Variants in XKR9 observed in about 807,000 individuals in gnomAD.
XKR9 encodes the protein XK related 9, also known as XK-related protein 9.
Under a neutral mutation model 32.0 loss-of-function variants are expected in XKR9, and 32 were observed. The observed-to-expected ratio is 1.00, with a 90% CI of 0.76 to 1.34. The LOEUF (loss-of-function observed/expected upper bound fraction) is 1.34, where lower values mean the gene tolerates loss of function less well. Among genes scored for constraint, XKR9 ranks in the 40% most tolerant of loss-of-function variants. The probability of loss-of-function intolerance (pLI) is 0.00; values close to 1 mark genes in which losing one functional copy is unlikely to be tolerated. For missense variants in XKR9, 546 were observed against 429.7 expected, an observed-to-expected ratio of 1.27 and a Z score of -2.39; for synonymous variants, 168 against 143.4, an observed-to-expected ratio of 1.17 and a Z score of -1.22.
At chr8:70,857,576 A>C in the XKR9 span, among the ~76,000 whole-genome samples, 2 of 152,208 alleles carry the variant, frequency 1.3e-5, no homozygotes, top group Non-Finnish European at 1.5e-5. Context: ...AACTATTCCA[A>C]TCAATAGAAA....
chr8:70,742,952 AT>A (rs1337505882), intron 2 of XKR9, among the ~76,000 whole-genome samples: 8 of 151,612 alleles, frequency 5.3e-5, no homozygotes, highest in African/African-American at 1.9e-4. Context: ...GAACCTGTAA[AT>A]TTTTGTCTTC....
At chr8:70,834,345 G>T in the XKR9 span, among the ~76,000 whole-genome samples, 2 of 151,868 alleles carry the variant, frequency 1.3e-5, no homozygotes, top group Admixed American at 1.3e-4. Context: ...TTCTTTCTTT[G>T]TTGAGGGACA....
At chr8:70,744,647 C>A (rs919855668) in intron 2 of XKR9, among the ~76,000 whole-genome samples, 1 of 152,078 alleles carries the variant, frequency 6.6e-6, no homozygotes, top group Non-Finnish European at 1.5e-5. Context: ...GCTCTGTCAC[C>A]CAGGCTGGAG....
the XKR9 span, among the ~76,000 whole-genome samples, chr8:70,845,739 G>A: frequency 6.6e-6 from 1 of 151,988 alleles, no homozygotes; most frequent in Non-Finnish European, 1.5e-5. Context: ...AAATAACCTA[G>A]TCAAACAAAA....
At chr8:70,753,181 C>T (rs535810350) in intron 2 of XKR9, among the ~76,000 whole-genome samples, 2 of 152,324 alleles carry the variant, frequency 1.3e-5, no homozygotes, top group African/African-American at 4.8e-5. Context: ...TGGATAAATT[C>T]CTCGACACAT....
intron 2 of XKR9, among the ~76,000 whole-genome samples, chr8:70,777,782 T>G (rs1475976088): frequency 6.6e-6 from 1 of 152,130 alleles, no homozygotes; most frequent in Non-Finnish European, 1.5e-5. Context: ...GTTCATATCC[T>G]TTGCCCAATT....
the XKR9 span, among the ~76,000 whole-genome samples, chr8:70,871,400 A>G: frequency 1.3e-5 from 2 of 152,106 alleles, no homozygotes; most frequent in South Asian, 2.1e-4. Context: ...TTAAGCATCT[A>G]TCAGTGCCAT....
chr8:71,049,475 A>T, the XKR9 span, among the ~76,000 whole-genome samples: 2 of 152,198 alleles, frequency 1.3e-5, no homozygotes, highest in African/African-American at 4.8e-5. Flanking sequence ...CCTTTGAGGA[A>T]CTAATAATCT....
the XKR9 span, among the ~76,000 whole-genome samples, chr8:70,982,630 G>A: frequency 6.6e-6 from 1 of 152,170 alleles, no homozygotes; most frequent in African/African-American, 2.4e-5. Flanking sequence ...CGTTGAGAAA[G>A]CAAGCCGACT....
At chr8:70,801,777 A>G in the XKR9 span, among the ~76,000 whole-genome samples, 39 of 152,166 alleles carry the variant, frequency 2.6e-4, no homozygotes, top group African/African-American at 8.7e-4. Context: ...GTCTCTCACT[A>G]TTATTCTGTG....
At chr8:70,776,682 C>T (rs1350989807) in intron 2 of XKR9, among the ~76,000 whole-genome samples, 2 of 151,976 alleles carry the variant, frequency 1.3e-5, no homozygotes, top group African/African-American at 2.4e-5. Flanking sequence ...GGAGATAGGA[C>T]AGCCTCTGTA....
At chr8:71,060,438 T>C in the XKR9 span, among the ~76,000 whole-genome samples, 1 of 152,170 alleles carries the variant, frequency 6.6e-6, no homozygotes, top group East Asian at 1.9e-4. Context: ...TTATCTTCAC[T>C]CACCCACCCT....
Position 70,696,028 on chromosome 8 carries a change from TG to T in XKR9, c.273-10904del, listed in dbSNP as rs1176485810. Among the ~76,000 whole-genome samples, 3 of 151,708 alleles carry T rather than the reference TG, an allele frequency of 2.0e-5. 1 individual carries two copies. Among genetic ancestry groups the T allele is most frequent in the Non-Finnish European group, 2.9e-5 (2 of 67,924 alleles). On this transcript the variant is annotated intron_variant, in intron 3 of 4. Transcript: ENST00000408926. Reference sequence around the variant, plus strand: ...TCCTTCGCCCACTTTTTGATGGGGTTGTTTTTTTTTTTCTTGTAAATTTGTT... The same window carrying T: ...TCCTTCGCCCACTTTTTGATGGGGTTTTTTTTTTTTTCTTGTAAATTTGTT...
chr8:70,692,278 C>A (rs888078995), intron 3 of XKR9, among the ~76,000 whole-genome samples: 2 of 152,154 alleles, frequency 1.3e-5, no homozygotes, highest in Admixed American at 6.6e-5. Context: ...TATCCTGCAC[C>A]TTTGCTGAAG....
intron 2 of XKR9, among the ~76,000 whole-genome samples, chr8:70,742,470 T>G (rs1033917352): frequency 6.6e-6 from 1 of 152,248 alleles, no homozygotes; most frequent in African/African-American, 2.4e-5. Context: ...AGACTTTGAA[T>G]CATAAAGTGA....
the XKR9 span, among the ~76,000 whole-genome samples, chr8:70,974,979 C>G: frequency 1.3e-5 from 2 of 152,198 alleles, no homozygotes; most frequent in African/African-American, 4.8e-5. Flanking sequence ...TTGCATTTCT[C>G]TGATGACCAG....
intron 2 of XKR9, among the ~76,000 whole-genome samples, chr8:70,758,195 T>A (rs909124577): frequency 2.6e-4 from 18 of 70,366 alleles, no homozygotes; most frequent in Non-Finnish European, 8.2e-4. Context: ...CCTACGTTGT[T>A]AAGCCTCTGA....
the XKR9 span, among the ~76,000 whole-genome samples, chr8:70,971,287 T>G: frequency 3.9e-5 from 6 of 152,198 alleles, no homozygotes; most frequent in African/African-American, 1.4e-4. Flanking sequence ...TCTATTCATA[T>G]CCTTAGCCCA....
At chr8:70,749,089 A>G (rs915089012) in intron 2 of XKR9, among the ~76,000 whole-genome samples, 10 of 152,184 alleles carry the variant, frequency 6.6e-5, no homozygotes, top group Admixed American at 5.9e-4. Flanking sequence ...TGACCTGCCT[A>G]CAGAAAGTAG....
Sources: gnomAD v4.1 joint callset for allele counts (sites outside exome capture counted in the v4.1 genomes callset) on GRCh38, gnomAD v4.1.1 for gene constraint, MANE v1.5 for transcripts, NCBI Gene and HGNC (gene_info 2026-07-23, HGNC 2026-07-21) for gene names.